SMPDL3A: variants seen among roughly 807,000 people sequenced by gnomAD.
The protein encoded by SMPDL3A is cyclic GMP-AMP phosphodiesterase SMPDL3A.
A neutral mutation model predicts 38.5 loss-of-function variants in SMPDL3A; 39 were observed. The observed-to-expected ratio is 1.01, with a 90% CI of 0.78 to 1.32. The LOEUF (loss-of-function observed/expected upper bound fraction) is 1.32. Among genes scored for constraint, SMPDL3A ranks in the 40% most tolerant of loss-of-function variants. The pLI, the probability that SMPDL3A is intolerant of heterozygous loss-of-function variation, is 0.00. For synonymous variants in SMPDL3A, 180 were observed against 194.3 expected (o/e 0.93, Z 0.61); for missense variants, 502 against 536.2 (o/e 0.94, Z 0.63).
Position 122,801,407 on chromosome 6 carries a change from G to A in SMPDL3A, c.568+1G>A, listed in dbSNP as rs192842064. The A allele has an allele frequency of 1.6e-4, 258 of 1,575,238 alleles. 2 individuals are homozygous for A. The East Asian group carries it at 4.5e-3, about 27-fold the overall frequency. ...GAAGCTATTAGTACTTTAAGGAAAG[G>A]TAAGTGAAAGACTTAGTTATTCCTA... is the stretch of plus-strand genomic sequence containing the variant. On this transcript the variant is annotated splice_donor_variant, in intron 4 of 7. Transcript: ENST00000368440. LOFTEE classifies it high-confidence loss of function.
chr6:122,791,928 C>T lies in SMPDL3A; in HGVS notation c.112+2470C>T, dbSNP rs573491000. Among the ~76,000 whole-genome samples the T allele has an allele frequency of 3.8e-4, 58 of 152,274 alleles. 1 individual carries two copies. The South Asian group carries it at 6.0e-3, about 16-fold the overall frequency. ...CAGGATGGTCTCAATTTCCTGACCTCGTGATCTGCCCATCTCAGCCTCCCA... is the reference window on the plus strand; with the variant it reads ...CAGGATGGTCTCAATTTCCTGACCTTGTGATCTGCCCATCTCAGCCTCCCA... On this transcript the variant is annotated intron_variant, in intron 1 of 7. Coordinates refer to ENST00000368440, the MANE Select transcript of SMPDL3A (RefSeq NM_006714.5).
intron 3 of SMPDL3A, chr6:122,797,214 A>G (rs1426941582): frequency 2.8e-6 from 1 of 363,536 alleles, no homozygotes; most frequent in African/African-American, 2.1e-5. Context: ...CAGTTTGTGG[A>G]TGATTAATTT....
intron 7 of SMPDL3A, among the ~76,000 whole-genome samples, chr6:122,807,206 AT>A (rs1206339269): frequency 2.6e-5 from 4 of 152,108 alleles, no homozygotes; most frequent in Non-Finnish European, 5.9e-5. Context: ...CACCCAAAAA[AT>A]TTTTTTAAAG....
chr6:122,801,044 C>G (rs1781413717), intron 3 of SMPDL3A, among the ~76,000 whole-genome samples: 1 of 152,208 alleles, frequency 6.6e-6, no homozygotes, highest in Admixed American at 6.5e-5. Flanking sequence ...AGCCACTGCA[C>G]CTGGCCCTTG....
At position 122,803,793 on chromosome 6, in the gene SMPDL3A, T is replaced by A. The variant is rs760179229; in HGVS notation, c.698T>A (p.Leu233Gln). ...KTDPANQFEWLESTLNNSQQN... is the reference protein window; with the variant it reads ...KTDPANQFEWQESTLNNSQQN... ...GACCCAGCCAACCAGTTTGAATGGC[T>A]AGAAAGTACATTGAACAACTCTCAG... Residue 233 changes from leucine to glutamine, a missense_variant, in exon 5 of 8, where the codon CTA becomes CAA. Physicochemically the swap from Leu to Gln is moderately radical, Grantham distance 113 (BLOSUM62 -2). Transcript: ENST00000368440. 6.2e-7 allele frequency: 1 copy of A among 1,614,046 alleles called. No homozygotes were observed. Among genetic ancestry groups the A allele is most frequent in the South Asian group, 1.1e-5 (1 of 91,078 alleles).
At chr6:122,805,217 T>C in intron 6 of SMPDL3A, 128 bp downstream of exon 6, 1 of 716,636 alleles carries the variant, frequency 1.4e-6, no homozygotes, top group Admixed American at 3.3e-5. Flanking sequence ...TAGCCTTTTC[T>C]GAATTATCCT....
At chr6:122,790,358 C>A (rs1197906404) in intron 1 of SMPDL3A, among the ~76,000 whole-genome samples, 1 of 152,190 alleles carries the variant, frequency 6.6e-6, no homozygotes, top group Non-Finnish European at 1.5e-5. Flanking sequence ...TTGTACAATG[C>A]CATCCGAGCC....
At chr6:122,809,022 C>G in intron 7 of SMPDL3A, 69 bp from the exon 8 acceptor site, 1 of 1,168,508 alleles carries the variant, frequency 8.6e-7, no homozygotes, top group Non-Finnish European at 1.3e-6. Flanking sequence ...TAAACATGAA[C>G]GCTTCTTGTT....
In SMPDL3A at chr6:122,809,085, C is replaced by A; in HGVS notation, c.1045-6C>A. ...AACCAGGTTTTGTTACTGTTCTTAACTGCAGGATATGTTGCAGTATTACTT... is the reference window on the plus strand; with the variant it reads ...AACCAGGTTTTGTTACTGTTCTTAAATGCAGGATATGTTGCAGTATTACTT... On this transcript the variant is annotated splice_region_variant and splice_polypyrimidine_tract_variant and intron_variant, in intron 7 of 7. Transcript: ENST00000368440. 6.2e-7 allele frequency: 1 copy of A among 1,611,022 alleles called. No homozygotes were observed. The highest frequency in any genetic ancestry group is 8.5e-7 in the Non-Finnish European group (1 of 1,177,536).
chr6:122,801,424 T>C lies in SMPDL3A; in HGVS notation c.568+18T>C. ...AAGGAAAGGTAAGTGAAAGACTTAGTTATTCCTATTTTGCCTCAATTTTTA... is the reference window on the plus strand; with the variant it reads ...AAGGAAAGGTAAGTGAAAGACTTAGCTATTCCTATTTTGCCTCAATTTTTA... On this transcript the variant is annotated intron_variant, in intron 4 of 7. Coordinates refer to ENST00000368440, the MANE Select transcript of SMPDL3A (RefSeq NM_006714.5). The C allele has an allele frequency of 6.6e-7, 1 of 1,507,302 alleles. No homozygotes were observed. The highest frequency in any genetic ancestry group is 1.1e-5 in the South Asian group (1 of 88,162). The allele number at this position is 1,507,302 out of a possible 1,614,324, so 93.4% of individuals were successfully genotyped here. A position where few individuals can be genotyped will look rare whatever the true frequency, so the allele number is the denominator to read the frequency against.
At chr6:122,791,794 C>T (rs1164718354) in intron 1 of SMPDL3A, among the ~76,000 whole-genome samples, 3 of 152,090 alleles carry the variant, frequency 2.0e-5, no homozygotes, top group Admixed American at 2.0e-4. Context: ...CCCGGGTTCA[C>T]GCCATTCTCC....
At chr6:122,792,069 A>T (rs1445197788) in intron 1 of SMPDL3A, among the ~76,000 whole-genome samples, 1 of 152,220 alleles carries the variant, frequency 6.6e-6, no homozygotes, top group Non-Finnish European at 1.5e-5. Context: ...TTGAACTAGG[A>T]AACATGGATT....
intron 1 of SMPDL3A, among the ~76,000 whole-genome samples, chr6:122,791,160 T>G (rs1781063659): frequency 6.6e-6 from 1 of 152,180 alleles, no homozygotes; most frequent in South Asian, 2.1e-4. Flanking sequence ...ACTGCTTTCT[T>G]GTTTTGTGTT....
Position 122,805,008 on chromosome 6 carries a change from C to G in SMPDL3A, c.838C>G (p.Gln280Glu), listed in dbSNP as rs774243750. 2 of 1,612,940 alleles carry G rather than the reference C, an allele frequency of 1.2e-6. No homozygotes were observed. The highest frequency in any genetic ancestry group is 1.3e-5 in the African/African-American group (1 of 74,826). The change falls in exon 6 of 8, where the codon CAA (glutamine) becomes GAA (glutamate). Residue 280 changes from glutamine to glutamate, a missense_variant. Gln to Glu is a conservative substitution (Grantham distance 29). Transcript: ENST00000368440. ...YYNEKLIDIF[Q>E]KYSDVIAGQF... Reference sequence around the variant, plus strand: ...TAATGAGAAATTGATAGATATTTTTCAAAAATACAGTGATGTCATTGCAGG... The same window carrying G: ...TAATGAGAAATTGATAGATATTTTTGAAAAATACAGTGATGTCATTGCAGG...
At position 122,796,937 on chromosome 6, in the gene SMPDL3A, C is replaced by T. The variant is rs762345618; in HGVS notation, c.440C>T (p.Pro147Leu). Residue 147 changes from proline to leucine, a missense_variant, in exon 3 of 8, where the codon CCT (proline) becomes CTT (leucine). By Grantham distance (98) the Pro-to-Leu change is moderately conservative. Coordinates refer to ENST00000368440, the MANE Select transcript of SMPDL3A (RefSeq NM_006714.5). Reference sequence around the variant, plus strand: ...CTCTTTCCAAATCTCCAGGTTTTCCCTGCGCTGGGTAATCATGACTATTGG... The same window carrying T: ...CTCTTTCCAAATCTCCAGGTTTTCCTTGCGCTGGGTAATCATGACTATTGG... ...QSLFPNLQVF[P>L]ALGNHDYWPQ... The T allele has an allele frequency of 2.5e-6, 4 of 1,613,720 alleles. No individual in the cohort carries two copies. The highest frequency in any genetic ancestry group is 3.3e-5 in the Admixed American group (2 of 59,988).
chr6:122,795,178 G>A (rs942479722), intron 1 of SMPDL3A, among the ~76,000 whole-genome samples: 3 of 151,718 alleles, frequency 2.0e-5, no homozygotes, highest in African/African-American at 2.4e-5. Flanking sequence ...GTCTTGCTCT[G>A]TCGCCCAGGC....
chr6:122,808,848 A>AT (rs111390127), intron 7 of SMPDL3A, among the ~76,000 whole-genome samples: 13 of 148,798 alleles, frequency 8.7e-5, no homozygotes, highest in Non-Finnish European at 1.3e-4. Context: ...TGCCCAGCTA[A>AT]TTTTTTTTTT....
In SMPDL3A at chr6:122,809,150, G is replaced by A; in HGVS notation, c.1104G>A (p.Trp368Ter). Residue 368 changes from tryptophan (W) to a stop codon, truncating the protein, a stop_gained, in exon 8 of 8, where the codon TGG becomes TGA. Transcript: ENST00000368440. LOFTEE classifies it low-confidence loss of function (END_TRUNC). ...TEANLKGESI[W>*]KLEYILTQTY... The stretch of plus-strand genomic sequence containing the variant: ...CGAATCTAAAGGGAGAGTCCATCTG[G>A]AAGCTGGAGTATATCCTGACCCAGA... 1 of 1,614,076 alleles carries A rather than the reference G, an allele frequency of 6.2e-7. No homozygotes were observed. Among genetic ancestry groups the A allele is most frequent in the Non-Finnish European group, 8.5e-7 (1 of 1,179,918 alleles).
At chr6:122,802,195 C>CTTTTTTTTTTTTTTTTTTTTTTT (rs3031702) in intron 4 of SMPDL3A, among the ~76,000 whole-genome samples, 3 of 123,560 alleles carry the variant, frequency 2.4e-5, no homozygotes, top group Non-Finnish European at 3.5e-5. Context: ...TATATCTAGT[C>CTTTTTTTTTTTTTTTTTTTTTTT]TTTTTTTTTT....
Sources: gnomAD v4.1 joint callset for allele counts (sites outside exome capture counted in the v4.1 genomes callset) on GRCh38, gnomAD v4.1.1 for gene constraint, MANE v1.5 for transcripts, NCBI Gene and HGNC (gene_info 2026-07-23, HGNC 2026-07-21) for gene names.